A2ML1: variants seen among roughly 807,000 people sequenced by gnomAD.
A2ML1 encodes alpha-2-macroglobulin like 1, also known as alpha-2-macroglobulin-like protein 1.
A2ML1 carries 161 observed loss-of-function variants against 181.9 expected under a neutral mutation model. The ratio of observed to expected loss-of-function variants is 0.89; its 90% CI spans 0.78 to 1.01. A2ML1 has a LOEUF of 1.01. A2ML1 is among the 50% of genes least tolerant of loss of function. The pLI is 0.00. For missense variants in A2ML1, 1,670 were observed against 1,768.1 expected, an observed-to-expected ratio of 0.94 and a Z score of 1.00; for synonymous variants, 663 against 666.8, an observed-to-expected ratio of 0.99 and a Z score of 0.09.
intron 29 of A2ML1, 137 bp from the exon 30 acceptor site, chr12:8,867,705 G>A: frequency 1.4e-6 from 1 of 713,444 alleles, no homozygotes; most frequent in East Asian, 2.7e-5. Context: ...GAGGAGGTGG[G>A]TATAGTTCTC....
intron 18 of A2ML1, 32 bp from the exon 19 acceptor site, chr12:8,851,752 T>C (rs765233521): frequency 2.5e-6 from 4 of 1,608,844 alleles, no homozygotes; most frequent in East Asian, 2.2e-5. Flanking sequence ...CCACGCTACC[T>C]CTGCCTCATG....
At position 8,839,097 on chromosome 12, in the gene A2ML1, T is replaced by C. The variant is rs1943382184; in HGVS notation, c.971-16T>C. Reference sequence around the variant, plus strand: ...TCAGGTGCCTAGATCTTTATACATCTGGTTTCCCTCTGCAGGTGTGGAGGC... The same window carrying C: ...TCAGGTGCCTAGATCTTTATACATCCGGTTTCCCTCTGCAGGTGTGGAGGC... On this transcript the variant is annotated splice_polypyrimidine_tract_variant and intron_variant, in intron 9 of 35. Transcript: ENST00000299698. 3 of 1,566,702 alleles carry C rather than the reference T, an allele frequency of 1.9e-6. No homozygotes were observed. The highest frequency in any genetic ancestry group is 1.8e-6 in the Non-Finnish European group (2 of 1,142,208).
In A2ML1 at chr12:8,861,148, G is replaced by A. The variant is rs1443570651; in HGVS notation, c.3353G>A (p.Ser1118Asn). ...TTCACTTTTTAGGACCCAATGGTGA[G>A]TCAGGGTCTACGGTGTCTCAAGAAT... The part of the protein sequence containing the change: ...MGKDVDDPMV[S>N]QGLRCLKNSA... Residue 1118 changes from serine (S) to asparagine (N), a missense_variant, in exon 28 of 36, where the codon AGT becomes AAT. Transcript: ENST00000299698. 1.9e-6 allele frequency: 3 copies of A among 1,614,046 alleles called. No homozygotes were observed. The highest frequency in any genetic ancestry group is 1.3e-5 in the African/African-American group (1 of 74,888).
At chr12:8,846,021 C>T (rs1224142281) in intron 13 of A2ML1, 56 bp from the exon 14 acceptor site, 15 of 1,601,758 alleles carry the variant, frequency 9.4e-6, no homozygotes, top group South Asian at 6.6e-5. Flanking sequence ...GGTTAGATGC[C>T]GTTGGCAGGT....
chr12:8,848,016 G>GGT lies in A2ML1; in HGVS notation c.1833+319_1833+320insTG, dbSNP rs59441350. Among the ~76,000 whole-genome samples the GGT allele has an allele frequency of 0.2, 29,811 of 148,786 alleles. 3,817 individuals are homozygous for GGT. The highest frequency in any genetic ancestry group is 0.34 in the African/African-American group (13,710 of 40,140). On this transcript the variant is annotated intron_variant, in intron 15 of 35. Transcript: ENST00000299698. ...AAAAAAAAAAAAATTAACTGGGCATGGGCCCATGCCTGTAATCCTGGGGAG... is the reference window on the plus strand; with the variant it reads ...AAAAAAAAAAAAATTAACTGGGCATGGTGGCCCATGCCTGTAATCCTGGGGAG...
At chr12:8,880,495 CAG>C (rs1944860571), downstream of A2ML1, 1 of 152,128 alleles carries the variant, frequency 6.6e-6, no homozygotes, top group Non-Finnish European at 1.5e-5. Flanking sequence ...GACTGGGAAA[CAG>C]AGATTGGATA....
At chr12:8,842,419 C>T (rs763948653) in intron 11 of A2ML1, among the ~76,000 whole-genome samples, 15 of 152,138 alleles carry the variant, frequency 9.9e-5, no homozygotes, top group African/African-American at 2.4e-4. Context: ...TGGGGTTTCA[C>T]TGTGTTAGCC....
chr12:8,828,518 A>C (rs1221038692), intron 3 of A2ML1, among the ~76,000 whole-genome samples: 1 of 151,972 alleles, frequency 6.6e-6, no homozygotes, highest in Non-Finnish European at 1.5e-5. Context: ...CCTCTGACAA[A>C]CAGCAGGTCC....
intron 12 of A2ML1, among the ~76,000 whole-genome samples, chr12:8,844,108 A>T (rs1470997677): frequency 6.6e-6 from 1 of 151,940 alleles, no homozygotes; most frequent in Non-Finnish European, 1.5e-5. Flanking sequence ...GAAGAAAGAG[A>T]TTCTGAGCAG....
intron 33 of A2ML1, among the ~76,000 whole-genome samples, chr12:8,870,100 T>A (rs1239720877): frequency 6.6e-6 from 1 of 152,304 alleles, no homozygotes; most frequent in South Asian, 2.1e-4. Context: ...AACAAAGTTA[T>A]CCTTATTGAA....
In A2ML1 at chr12:8,827,453, C is replaced by CT. The variant is rs376760320; in HGVS notation, c.410-2265dup. On this transcript the variant is annotated intron_variant, in intron 3 of 35. Transcript: ENST00000299698. Reference sequence around the variant, plus strand: ...AACCTCCTCTTTAAAGTCAATACCTCTTTTTTTTTCTCTTTGTTAAATTTA... The same window carrying CT: ...AACCTCCTCTTTAAAGTCAATACCTCTTTTTTTTTTCTCTTTGTTAAATTTA... Among the ~76,000 whole-genome samples the CT allele has an allele frequency of 2.5e-4, 38 of 151,836 alleles. 2 individuals are homozygous for CT. Among genetic ancestry groups the CT allele is most frequent in the African/African-American group, 3.4e-4 (14 of 41,434 alleles).
At chr12:8,886,176 C>T (rs1052946082) in intron 7 of A2ML1, among the ~76,000 whole-genome samples, 1 of 152,056 alleles carries the variant, frequency 6.6e-6, no homozygotes, top group Admixed American at 6.6e-5. Flanking sequence ...TGTTAATTTC[C>T]TCAAAAAACC....
intron 3 of A2ML1, 32 bp from the exon 4 acceptor site, chr12:8,829,695 C>A: frequency 1.3e-6 from 2 of 1,576,628 alleles, no homozygotes; most frequent in Non-Finnish European, 1.7e-6. Flanking sequence ...CAGGAAACAT[C>A]CCCTTTGCTA....
intron 15 of A2ML1, among the ~76,000 whole-genome samples, 183 bp downstream of exon 15, chr12:8,847,881 T>A (rs1943749398): frequency 6.6e-6 from 1 of 152,072 alleles, no homozygotes; most frequent in African/African-American, 2.4e-5. Flanking sequence ...GGCTCACGCC[T>A]GTAATCCCAG....
At position 8,851,934 on chromosome 12, in the gene A2ML1, T is replaced by C. The variant is rs1173806726; in HGVS notation, c.2385T>C (p.Thr795=). The change falls in exon 19 of 36, where the codon ACT becomes ACC. Residue 795 remains threonine (T), a synonymous_variant. Coordinates refer to ENST00000299698, the MANE Select transcript of A2ML1 (RefSeq NM_144670.6). ...TAFKPFFVDL[T]LPYSVVRGES... is the part of the protein sequence containing the mutation. The stretch of plus-strand genomic sequence containing the variant: ...TCAAGCCGTTCTTTGTTGACCTGAC[T>C]CTCCCTTACTCAGTAGTCCGTGGGG... 6.2e-7 allele frequency: 1 copy of C among 1,614,178 alleles called. No homozygotes were observed.
Position 8,854,838 on chromosome 12 carries a change from G to A in A2ML1, c.2764+7G>A, listed in dbSNP as rs774222825. ...TCATTGCTGTGCCCAAAAGGTGGGT[G>A]GACTCAGAGCAGGATTGGTGGTGAG... On this transcript the variant is annotated splice_region_variant and intron_variant, in intron 22 of 35. Coordinates refer to ENST00000299698, the MANE Select transcript of A2ML1 (RefSeq NM_144670.6). 1.9e-6 allele frequency: 3 copies of A among 1,613,820 alleles called. No individual in the cohort carries two copies. The highest frequency in any genetic ancestry group is 4.5e-5 in the East Asian group (2 of 44,868).
downstream of A2ML1, among the ~76,000 whole-genome samples, chr12:8,887,288 G>GC (rs1010032713): frequency 6.6e-6 from 1 of 152,120 alleles, no homozygotes; most frequent in African/African-American, 2.4e-5. Context: ...ACATGAAGTA[G>GC]CCCCCCTGAA....
intron 25 of A2ML1, 95 bp from the exon 26 acceptor site, chr12:8,857,851 C>T: frequency 6.6e-7 from 1 of 1,515,344 alleles, no homozygotes; most frequent in Non-Finnish European, 9.0e-7. Context: ...CCTCAGCTCC[C>T]CTTCTGGAAG....
rs1417788802 is a variant in A2ML1, at chr12:8,857,321, A to G, written c.3006A>G (p.Ala1002=). 4 of 1,614,028 alleles carry G rather than the reference A, an allele frequency of 2.5e-6. No homozygotes were observed. The highest frequency in any genetic ancestry group is 1.1e-5 in the South Asian group (1 of 91,072). ...TGACGGAGGAGATCAGGTCTCGGGC[A>G]GTGGGTTTCCTGGAAATAGGTAAGT... is the stretch of plus-strand genomic sequence containing the variant. The part of the protein sequence containing the change: ...GLLTEEIRSR[A]VGFLEIGYQK... The change falls in exon 24 of 36, where the codon GCA becomes GCG. Residue 1002 remains alanine, a synonymous_variant. Coordinates refer to ENST00000299698, the MANE Select transcript of A2ML1 (RefSeq NM_144670.6).
Sources: gnomAD v4.1 joint callset for allele counts (sites outside exome capture counted in the v4.1 genomes callset) on GRCh38, gnomAD v4.1.1 for gene constraint, MANE v1.5 for transcripts, NCBI Gene and HGNC (gene_info 2026-07-23, HGNC 2026-07-21) for gene names.